The following RAD51B variants were observed in gnomAD, a reference collection of about 807,000 sequenced individuals.
The protein encoded by RAD51B is DNA repair protein RAD51 homolog 2.
Under a neutral mutation model 42.2 loss-of-function variants are expected in RAD51B, and 38 were observed. The ratio of observed to expected loss-of-function variants is 0.90; its 90% CI spans 0.70 to 1.18. RAD51B has a LOEUF of 1.18. Ranked by LOEUF, RAD51B falls within the 50% of genes most tolerant of loss-of-function variation. RAD51B has a pLI of 0.00. For synonymous variants in RAD51B, 154 were observed against 145.2 expected, an observed-to-expected ratio of 1.06 and a Z score of -0.43; for missense variants, 373 against 400.7, an observed-to-expected ratio of 0.93 and a Z score of 0.59.
chr14:68,074,292 C>G (rs1201203994), intron 7 of RAD51B, among the ~76,000 whole-genome samples: 1 of 152,056 alleles, frequency 6.6e-6, no homozygotes, highest in Non-Finnish European at 1.5e-5. Flanking sequence ...CTCTGAGATT[C>G]TTTTCTCAGC....
intron 9 of RAD51B, among the ~76,000 whole-genome samples, chr14:68,452,644 T>C (rs932000405): frequency 6.6e-6 from 1 of 152,060 alleles, no homozygotes; most frequent in African/African-American, 2.4e-5. Flanking sequence ...GCCTTTAAAA[T>C]GGGGCAAGTT....
intron 7 of RAD51B, among the ~76,000 whole-genome samples, chr14:67,890,830 T>G (rs1265211326): frequency 6.6e-6 from 1 of 152,210 alleles, no homozygotes; most frequent in Non-Finnish European, 1.5e-5. Flanking sequence ...AAACATAATT[T>G]GAATTTTTTT....
chr14:68,178,957 G>A (rs2079010299), intron 7 of RAD51B, among the ~76,000 whole-genome samples: 1 of 152,190 alleles, frequency 6.6e-6, no homozygotes, highest in South Asian at 2.1e-4. Context: ...ACACTTTGAA[G>A]TGTAGATAAA....
At chr14:67,828,234 T>C (rs549444327) in intron 3 of RAD51B, among the ~76,000 whole-genome samples, 14 of 152,214 alleles carry the variant, frequency 9.2e-5, no homozygotes, top group African/African-American at 1.2e-4. Context: ...ATTTCTCTAA[T>C]GATCAGTGAT....
intron 10 of RAD51B, among the ~76,000 whole-genome samples, chr14:68,519,459 A>G (rs1451145926): frequency 1.3e-5 from 2 of 152,220 alleles, no homozygotes; most frequent in Non-Finnish European, 2.9e-5. Context: ...GACTCTTGGC[A>G]TCTGGAAGGA....
chr14:68,222,281 C>T (rs1041620981), intron 7 of RAD51B, among the ~76,000 whole-genome samples: 4 of 152,118 alleles, frequency 2.6e-5, no homozygotes, highest in Non-Finnish European at 5.9e-5. Flanking sequence ...AGCTAAAATG[C>T]CCATCAGTCA....
chr14:67,851,576 C>A (rs2041808928), intron 4 of RAD51B, among the ~76,000 whole-genome samples: 1 of 152,018 alleles, frequency 6.6e-6, no homozygotes, highest in African/African-American at 2.4e-5. Flanking sequence ...ACTGGAGTTT[C>A]TCTCCCCAGC....
At chr14:67,829,942 G>A (rs1213094157) in intron 3 of RAD51B, among the ~76,000 whole-genome samples, 2 of 152,180 alleles carry the variant, frequency 1.3e-5, no homozygotes, top group African/African-American at 4.8e-5. Flanking sequence ...ACCCTTGCAA[G>A]GAAGCAATAC....
intron 4 of RAD51B, among the ~76,000 whole-genome samples, chr14:67,843,933 T>G (rs77514220): frequency 0.032 from 4,795 of 152,134 alleles, 170 homozygotes; most frequent in African/African-American, 0.081. Flanking sequence ...TCCTCTAGGT[T>G]AGATGTTAGG....
chr14:68,547,148 G>A (rs140219849), intron 10 of RAD51B, among the ~76,000 whole-genome samples: 125 of 152,298 alleles, frequency 8.2e-4, no homozygotes, highest in African/African-American at 2.7e-3. Flanking sequence ...CCACACTTCG[G>A]GATCTGAGTT....
At chr14:68,339,298 G>T (rs1429860989) in intron 8 of RAD51B, 2 of 901,124 alleles carry the variant, frequency 2.2e-6, no homozygotes, top group Non-Finnish European at 3.6e-6. Context: ...TTAATGGCAG[G>T]AGGCACTTAC....
chr14:68,649,891 C>T (rs922162317), intron 10 of RAD51B, among the ~76,000 whole-genome samples: 1 of 152,220 alleles, frequency 6.6e-6, no homozygotes, highest in Non-Finnish European at 1.5e-5. Flanking sequence ...AATAACACTT[C>T]TCAGGACACC....
chr14:67,941,471 C>T (rs1407174335), intron 7 of RAD51B, among the ~76,000 whole-genome samples: 1 of 152,124 alleles, frequency 6.6e-6, no homozygotes, highest in Admixed American at 6.6e-5. Flanking sequence ...TCTAATTTTG[C>T]ATGGGGTAAA....
intron 10 of RAD51B, among the ~76,000 whole-genome samples, chr14:68,582,653 G>A (rs929350004): frequency 1.3e-5 from 2 of 152,164 alleles, no homozygotes; most frequent in Non-Finnish European, 1.5e-5. Flanking sequence ...CCATTACTGG[G>A]TATATACCCA....
intron 7 of RAD51B, among the ~76,000 whole-genome samples, chr14:68,178,985 A>G (rs2079010737): frequency 6.6e-6 from 1 of 152,082 alleles, no homozygotes; most frequent in Non-Finnish European, 1.5e-5. Context: ...CTCTGGTCAC[A>G]ATGGATGCCA....
intron 10 of RAD51B, among the ~76,000 whole-genome samples, chr14:68,521,638 C>T (rs1370704654): frequency 1.3e-5 from 2 of 152,284 alleles, no homozygotes; most frequent in African/African-American, 2.4e-5. Context: ...CAACCTTATA[C>T]GTTTCAGGTG....
At position 68,431,359 on chromosome 14, in the gene RAD51B, C is replaced by T. The variant is rs201378298; in HGVS notation, c.957+19832C>T. On this transcript the variant is annotated intron_variant, in intron 9 of 10. Transcript: ENST00000471583. ...TCCTTCTTGTACCTCTGGTAGAATT[C>T]GGCTGTGAATCCATCTGGTCCTGGA... Among the ~76,000 whole-genome samples, 12 of 151,954 alleles carry T rather than the reference C, an allele frequency of 7.9e-5. No homozygotes were observed. The East Asian group carries it at 2.1e-3, about 27-fold the overall frequency.
At chr14:68,410,802 T>A (rs968075044) in intron 8 of RAD51B, among the ~76,000 whole-genome samples, 4 of 152,164 alleles carry the variant, frequency 2.6e-5, no homozygotes, top group Non-Finnish European at 5.9e-5. Flanking sequence ...GGAACTCAGA[T>A]AGAGTTTACT....
At position 68,157,821 on chromosome 14, in the gene RAD51B, T is replaced by C. The variant is rs569928828; in HGVS notation, c.757-134063T>C. On this transcript the variant is annotated intron_variant, in intron 7 of 10. Transcript: ENST00000471583. Reference sequence around the variant, plus strand: ...TTATATGTAGTTTGTCAGAAAACCATAGGAGTCAGGCATTGGGTAGCTCGT... The same window carrying C: ...TTATATGTAGTTTGTCAGAAAACCACAGGAGTCAGGCATTGGGTAGCTCGT... Among the ~76,000 whole-genome samples the C allele has an allele frequency of 2.0e-5, 3 of 152,332 alleles. No homozygotes were observed. The East Asian group carries it at 5.8e-4, about 29-fold the overall frequency.
Sources: gnomAD v4.1 joint callset for allele counts (sites outside exome capture counted in the v4.1 genomes callset) on GRCh38, gnomAD v4.1.1 for gene constraint, MANE v1.5 for transcripts, NCBI Gene and HGNC (gene_info 2026-07-23, HGNC 2026-07-21) for gene names.